GP2: variants seen among roughly 807,000 people sequenced by gnomAD.
GP2 encodes pancreatic secretory granule membrane major glycoprotein GP2.
A neutral mutation model predicts 60.8 loss-of-function variants in GP2; 58 were observed. That is an observed-to-expected ratio of 0.95 (90% CI 0.77 to 1.19). The LOEUF (loss-of-function observed/expected upper bound fraction) is 1.19. Ranked by LOEUF, GP2 falls within the 50% of genes most tolerant of loss-of-function variation. The pLI is 0.00. For synonymous variants in GP2, 280 were observed against 253.4 expected (o/e 1.10, Z -1.00); for missense variants, 647 against 667.4 (o/e 0.97, Z 0.34).
At chr16:20,312,979 C>T (rs905750589) in intron 10 of GP2, among the ~76,000 whole-genome samples, 3 of 152,154 alleles carry the variant, frequency 2.0e-5, no homozygotes, top group Non-Finnish European at 4.4e-5. Flanking sequence ...GCTCTAACCA[C>T]TCCTCTCAAT....
At chr16:20,315,325 G>T (rs755296639) in intron 9 of GP2, among the ~76,000 whole-genome samples, 1 of 152,110 alleles carries the variant, frequency 6.6e-6, no homozygotes, top group Non-Finnish European at 1.5e-5. Flanking sequence ...GAAAAAAAAG[G>T]CTTTCATTCT....
rs944961207 is a variant in GP2 at position 20,323,511 on chromosome 16, G to A, written c.535+305C>T. The A allele has an allele frequency of 4.4e-5, 27 of 615,970 alleles. No individual in the cohort carries two copies. In the African/African-American group the frequency reaches 4.9e-4, roughly 11 times the overall value. 38.2% of individuals were successfully genotyped at this position (615,970 alleles called of 1,614,324 possible). A position where few individuals can be genotyped will look rare whatever the true frequency, so the allele number is the denominator to read the frequency against. ...CCCCCCCCCCCTTTTTTTCAGATCA[G>A]AACACTGAGGCTCAGGGAGGCAAAT... On this transcript the variant is annotated intron_variant, in intron 3 of 10. Coordinates refer to ENST00000302555, the MANE Select transcript of GP2 (RefSeq NM_001502.4).
chr16:20,318,271 G>A lies in GP2; in HGVS notation c.1167C>T (p.Ser389=). 6.2e-7 allele frequency: 1 copy of A among 1,613,004 alleles called. No individual in the cohort carries two copies. Among genetic ancestry groups the A allele is most frequent in the Non-Finnish European group, 8.5e-7 (1 of 1,179,004 alleles). Reference sequence around the variant, plus strand: ...AGTTCCTCAACACCAGGTTAAACCGGGAGGTGTCCCCTTGTTCCAAGATGG... The same window carrying A: ...AGTTCCTCAACACCAGGTTAAACCGAGAGGTGTCCCCTTGTTCCAAGATGG... ...VGAILEQGDT[S]RFNLVLRNCY... Residue 389 remains serine, a synonymous_variant, in exon 7 of 11, where the codon TCC becomes TCT. Transcript: ENST00000302555.
chr16:20,313,523 C>T (rs1233583942), intron 10 of GP2, among the ~76,000 whole-genome samples: 1 of 152,106 alleles, frequency 6.6e-6, no homozygotes, highest in African/African-American at 2.4e-5. Flanking sequence ...GGGCTCATTC[C>T]CCTAACATTT....
rs772040937 is a variant in GP2 at position 20,315,962 on chromosome 16, G to T, written c.1495C>A (p.Arg499=). Residue 499 remains arginine (R), a synonymous_variant, in exon 9 of 11, where the codon CGG becomes AGG. Transcript: ENST00000302555. ...CTGGGATTTGGCCACTTACCTCTCCGAGTGATGGGCCCCAAATCTAGAACC... is the reference window on the plus strand; with the variant it reads ...CTGGGATTTGGCCACTTACCTCTCCTAGTGATGGGCCCCAAATCTAGAACC... ...ARVLDLGPIT[R]RGAQSPGVMN... 4 of 1,607,148 alleles carry T rather than the reference G, an allele frequency of 2.5e-6. 1 individual carries two copies.
chr16:20,313,143 T>C (rs1964042002), intron 10 of GP2, among the ~76,000 whole-genome samples: 1 of 152,188 alleles, frequency 6.6e-6, no homozygotes, highest in Non-Finnish European at 1.5e-5. Context: ...TATAAGTCAT[T>C]TTGTGGGAAA....
At chr16:20,323,789 T>C (rs1229302129) in intron 3 of GP2, 27 bp downstream of exon 3, 1 of 1,502,690 alleles carries the variant, frequency 6.7e-7, no homozygotes, top group Non-Finnish European at 9.1e-7. Flanking sequence ...GCTGTGTAGC[T>C]GCCTCCTCCA....
chr16:20,320,558 C>T (rs1964326938), intron 4 of GP2, 85 bp from the exon 5 acceptor site: 1 of 881,256 alleles, frequency 1.1e-6, no homozygotes, highest in African/African-American at 1.7e-5. Context: ...CTCCATGACC[C>T]AGAAGATTAT....
At chr16:20,316,311 C>T (rs961454419) in intron 8 of GP2, among the ~76,000 whole-genome samples, 2 of 152,172 alleles carry the variant, frequency 1.3e-5, no homozygotes, top group Non-Finnish European at 2.9e-5. Context: ...CTAAATAATA[C>T]CTACCTGGTT....
chr16:20,321,342 A>G (rs1459657552), intron 4 of GP2, among the ~76,000 whole-genome samples: 5 of 152,254 alleles, frequency 3.3e-5, no homozygotes, highest in Admixed American at 1.3e-4. Context: ...GATTACAGGC[A>G]TGAGCCACTT....
chr16:20,311,195 C>T lies in GP2; in HGVS notation c.*28G>A. The stretch of plus-strand genomic sequence containing the variant: ...CCATTGCCAGAGGGAAGAACACAAA[C>T]TTCAAGGCCAGATGCTCAGCGGAGC... On this transcript the variant is annotated 3_prime_UTR_variant, in exon 11 of 11. Transcript: ENST00000302555. 1 of 1,533,572 alleles carries T rather than the reference C, an allele frequency of 6.5e-7. No homozygotes were observed. The highest frequency in any genetic ancestry group is 9.0e-7 in the Non-Finnish European group (1 of 1,106,534). 95.0% of individuals were successfully genotyped at this position (1,533,572 alleles called of 1,614,324 possible).
rs200154923 is a variant in GP2, at chr16:20,314,674, C to T, written c.1529G>A (p.Gly510Glu). 1.3e-5 allele frequency: 21 copies of T among 1,604,744 alleles called. No homozygotes were observed. Among genetic ancestry groups the T allele is most frequent in the Non-Finnish European group, 1.8e-5 (21 of 1,171,520 alleles). ...RGAQSPGVMN[G>E]TPSTAGFLVA... is the part of the protein sequence containing the mutation. The stretch of plus-strand genomic sequence containing the variant: ...TGATGTACCTGCAGTGCTAGGGGTT[C>T]CATTCATGACACCGGGAGACTGTGC... Residue 510 changes from glycine to glutamate, a missense_variant, in exon 10 of 11, where the codon GGA (glycine) becomes GAA (glutamate). Gly to Glu is a moderately conservative substitution (Grantham distance 98). Transcript: ENST00000302555.
chr16:20,320,580 G>A, intron 4 of GP2, 107 bp from the exon 5 acceptor site: 1 of 764,728 alleles, frequency 1.3e-6, no homozygotes, highest in South Asian at 1.7e-5. Context: ...TAGACTAGAA[G>A]GTCCCTGGGA....
At chr16:20,313,360 T>C (rs1378130760) in intron 10 of GP2, among the ~76,000 whole-genome samples, 2 of 152,152 alleles carry the variant, frequency 1.3e-5, no homozygotes, top group Admixed American at 6.6e-5. Context: ...CCCATTCAGA[T>C]GTTACTACCT....
chr16:20,311,350 C>T lies in GP2; in HGVS notation c.1547-69G>A. On this transcript the variant is annotated intron_variant, in intron 10 of 10. Transcript: ENST00000302555. ...GTCAGGAGCAAACATAAGTTGGCCT[C>T]TTTGTCTTTCACAACACAAGGATGA... is the stretch of plus-strand genomic sequence containing the variant. The T allele has an allele frequency of 2.2e-6, 2 of 913,396 alleles. 1 individual carries two copies. Among genetic ancestry groups the T allele is most frequent in the South Asian group, 2.6e-5 (2 of 76,544 alleles). 56.6% of individuals were successfully genotyped at this position (913,396 alleles called of 1,614,324 possible).
chr16:20,326,166 T>G, intron 2 of GP2, 172 bp downstream of exon 2: 1 of 608,564 alleles, frequency 1.6e-6, no homozygotes, highest in Non-Finnish European at 2.9e-6. Context: ...TTTGAGAGAT[T>G]GTGACTTGAT....
Position 20,318,514 on chromosome 16 carries a change from G to A in GP2, c.1008-84C>T, listed in dbSNP as rs188726577. 347 of 1,258,920 alleles carry A rather than the reference G, an allele frequency of 2.8e-4. 2 individuals are homozygous for A. In the Admixed American group the frequency reaches 3.4e-3, roughly 12 times the overall value. The allele number at this position is 1,258,920 out of a possible 1,614,324, so 78.0% of individuals were successfully genotyped here. On this transcript the variant is annotated intron_variant, in intron 6 of 10. Coordinates refer to ENST00000302555, the MANE Select transcript of GP2 (RefSeq NM_001502.4). The stretch of plus-strand genomic sequence containing the variant: ...GCACTTACTTAACACACTTACGAAG[G>A]CAAGGACACACATCTTGGATCCTTA...
Position 20,324,157 on chromosome 16 carries a change from T to A in GP2, c.194A>T (p.Asn65Ile). The A allele has an allele frequency of 6.2e-7, 1 of 1,614,046 alleles. No individual in the cohort carries two copies. The change falls in exon 3 of 11, where the codon AAT becomes ATT. Residue 65 changes from asparagine (N) to isoleucine (I), a missense_variant. Physicochemically the swap from Asn to Ile is moderately radical, Grantham distance 149. Transcript: ENST00000302555. The part of the protein sequence containing the change: ...EAHVCFDPCQ[N>I]YTLLDEPFRS... ...GAAGGGTTCATCCAGGAGGGTGTAA[T>A]TCTGACAGGGGTCAAAACAGACATG...
At chr16:20,314,403 A>G (rs1448478452) in intron 10 of GP2, among the ~76,000 whole-genome samples, 1 of 151,932 alleles carries the variant, frequency 6.6e-6, no homozygotes, top group Non-Finnish European at 1.5e-5. Flanking sequence ...CTATGAGGGT[A>G]GGCACCTGGG....
Sources: gnomAD v4.1 joint callset for allele counts (sites outside exome capture counted in the v4.1 genomes callset) on GRCh38, gnomAD v4.1.1 for gene constraint, MANE v1.5 for transcripts, NCBI Gene and HGNC (gene_info 2026-07-23, HGNC 2026-07-21) for gene names.